PLCXD2: variants seen among roughly 807,000 people sequenced by gnomAD.
PLCXD2 encodes phosphatidylinositol specific phospholipase C X domain containing 2, also known as PI-PLC X domain-containing protein 2.
Under a neutral mutation model 28.6 loss-of-function variants are expected in PLCXD2, and 21 were observed. The ratio of observed to expected loss-of-function variants is 0.73; its 90% confidence interval spans 0.52 to 1.06. PLCXD2 has a LOEUF of 1.06. Ranked by LOEUF, PLCXD2 falls within the 50% of genes least tolerant of loss-of-function variation. PLCXD2 has a pLI of 0.00. For missense variants in PLCXD2, 369 were observed against 376.7 expected (o/e 0.98, Z 0.17); for synonymous variants, 140 against 150.1 (o/e 0.93, Z 0.49).
intron 1 of PLCXD2, among the ~76,000 whole-genome samples, chr3:111,684,327 T>TAA (rs1224720097): frequency 3.0e-3 from 325 of 106,822 alleles, no homozygotes; most frequent in Non-Finnish European, 4.8e-3. Flanking sequence ...AGACTCCATC[T>TAA]AAAAAAAAAA....
At chr3:111,690,230 T>C (rs540206126) in intron 1 of PLCXD2, among the ~76,000 whole-genome samples, 2 of 152,360 alleles carry the variant, frequency 1.3e-5, no homozygotes, top group East Asian at 3.9e-4. Flanking sequence ...AACTTTAGTT[T>C]CTTTTGTTGG....
In PLCXD2 at chr3:111,711,878, C is replaced by A. The variant is rs142802833; in HGVS notation, c.625-2009C>A. Among the ~76,000 whole-genome samples, 107 of 152,232 alleles carry A rather than the reference C, an allele frequency of 7.0e-4. 1 individual carries two copies. The highest frequency in any genetic ancestry group is 6.8e-3 in the Middle Eastern group (2 of 294). ...GTAGAACGTAGCATTAAGTCTATAT[C>A]CCAGAGGCTCCAAGTAAAAGAATGA... On this transcript the variant is annotated intron_variant, in intron 2 of 4. Transcript: ENST00000477665.
intron 1 of PLCXD2, among the ~76,000 whole-genome samples, chr3:111,698,863 C>A (rs1195668601): frequency 1.3e-5 from 2 of 152,138 alleles, no homozygotes; most frequent in African/African-American, 2.4e-5. Flanking sequence ...TCCTTATTTC[C>A]CCCCCTCCTC....
intron 1 of PLCXD2, chr3:111,691,476 A>G (rs987832599): frequency 1.3e-5 from 2 of 152,228 alleles, no homozygotes; most frequent in Non-Finnish European, 2.9e-5. Flanking sequence ...TGTTTCTTCA[A>G]CTGAGAGAAG....
intron 2 of PLCXD2, among the ~76,000 whole-genome samples, chr3:111,711,277 G>A (rs140480701): frequency 0.024 from 3,669 of 152,198 alleles, 148 homozygotes; most frequent in African/African-American, 0.084. Context: ...GGTGGCACAC[G>A]CCTGTAATCC....
chr3:111,692,715 C>T (rs574009983), intron 1 of PLCXD2, among the ~76,000 whole-genome samples: 1 of 152,298 alleles, frequency 6.6e-6, no homozygotes, highest in East Asian at 1.9e-4. Context: ...TGAATTCATC[C>T]TTTGATGTTA....
At chr3:111,718,114 G>A (rs549881255) in intron 3 of PLCXD2, among the ~76,000 whole-genome samples, 2 of 151,922 alleles carry the variant, frequency 1.3e-5, no homozygotes, top group African/African-American at 4.8e-5. Flanking sequence ...AGGAGTCCCC[G>A]TTCAAAATGG....
At chr3:111,725,812 G>C (rs1404853213) in intron 3 of PLCXD2, 1 of 398,416 alleles carries the variant, frequency 2.5e-6, no homozygotes, top group Non-Finnish European at 4.4e-6. Flanking sequence ...CCCATCAACA[G>C]TCTAGAGGCA....
At chr3:111,684,653 T>TAA (rs148866267) in intron 1 of PLCXD2, among the ~76,000 whole-genome samples, 5 of 142,068 alleles carry the variant, frequency 3.5e-5, no homozygotes, top group African/African-American at 1.0e-4. Context: ...AACTCCGTCT[T>TAA]AAAAAAAAAA....
chr3:111,695,799 C>G lies in PLCXD2; in HGVS notation c.164-12127C>G, dbSNP rs548649313. Among the ~76,000 whole-genome samples the G allele has an allele frequency of 2.0e-5, 3 of 152,330 alleles. No homozygotes were observed. In the East Asian group the frequency reaches 5.8e-4, roughly 29 times the overall value. The stretch of plus-strand genomic sequence containing the variant: ...TGATTCACATCCTGGGCTGGAAGGC[C>G]TGTGGGATGGCAAAACACTTCATCA... On this transcript the variant is annotated intron_variant, in intron 1 of 4. Transcript: ENST00000477665.
chr3:111,706,767 T>C (rs1354934334), intron 1 of PLCXD2, among the ~76,000 whole-genome samples: 1 of 147,254 alleles, frequency 6.8e-6, no homozygotes, highest in Non-Finnish European at 1.5e-5. Flanking sequence ...AAACCAAAAG[T>C]GTGCAAATTA....
At chr3:111,722,215 A>ATTTATTTATTTG (rs1559799994) in intron 3 of PLCXD2, 21 of 151,748 alleles carry the variant, frequency 1.4e-4, no homozygotes, top group African/African-American at 5.1e-4. Flanking sequence ...TTATTTATTT[A>ATTTATTTATTTG]TAGATTAAAT....
intron 1 of PLCXD2, among the ~76,000 whole-genome samples, chr3:111,679,228 T>C (rs938854725): frequency 1.3e-5 from 2 of 152,142 alleles, no homozygotes; most frequent in East Asian, 3.8e-4. Flanking sequence ...ATTTGAGGAA[T>C]GGTCAAGACT....
intron 3 of PLCXD2, chr3:111,726,981 A>G (rs1299487031): frequency 2.0e-5 from 3 of 152,208 alleles, no homozygotes; most frequent in Non-Finnish European, 4.4e-5. Context: ...TCAATAAAAC[A>G]TCTTGTTATA....
intron 2 of PLCXD2, among the ~76,000 whole-genome samples, chr3:111,710,010 A>G (rs1039376612): frequency 6.6e-6 from 1 of 152,214 alleles, no homozygotes; most frequent in Admixed American, 6.5e-5. Flanking sequence ...TGCATCTGTC[A>G]GAAGGTAGAG....
chr3:111,699,492 A>G (rs1303481287), intron 1 of PLCXD2, among the ~76,000 whole-genome samples: 2 of 152,154 alleles, frequency 1.3e-5, no homozygotes, highest in Non-Finnish European at 2.9e-5. Context: ...AACCCTCAGG[A>G]AGAATCAAGC....
At chr3:111,710,295 G>A (rs1450616576) in intron 2 of PLCXD2, among the ~76,000 whole-genome samples, 1 of 152,152 alleles carries the variant, frequency 6.6e-6, no homozygotes, top group Non-Finnish European at 1.5e-5. Context: ...GTTTATATCT[G>A]TTCATGTCTA....
At chr3:111,682,313 C>A (rs916711145) in intron 1 of PLCXD2, among the ~76,000 whole-genome samples, 22 of 152,174 alleles carry the variant, frequency 1.4e-4, no homozygotes, top group Admixed American at 3.3e-4. Context: ...CTCTAAGGGG[C>A]ATGCCTAGGT....
chr3:111,718,725 C>T (rs911191520), intron 3 of PLCXD2, among the ~76,000 whole-genome samples: 1 of 152,138 alleles, frequency 6.6e-6, no homozygotes, highest in Non-Finnish European at 1.5e-5. Flanking sequence ...GAAGGGCAGG[C>T]AGCATCAAGG....
Sources: gnomAD v4.1 joint callset for allele counts (sites outside exome capture counted in the v4.1 genomes callset) on GRCh38, gnomAD v4.1.1 for gene constraint, MANE v1.5 for transcripts, NCBI Gene and HGNC (gene_info 2026-07-23, HGNC 2026-07-21) for gene names.